Variants in SH3PXD2A observed in about 807,000 individuals in gnomAD.
The protein encoded by SH3PXD2A is SH3 and PX domains 2A.
A neutral mutation model predicts 115.2 loss-of-function variants in SH3PXD2A; 32 were observed. The ratio of observed to expected loss-of-function variants is 0.28; its 90% CI spans 0.21 to 0.37. The LOEUF (loss-of-function observed/expected upper bound fraction) is 0.37, where lower values mean the gene tolerates loss of function less well. SH3PXD2A is among the 10% of genes least tolerant of loss of function. The pLI is 1.00. For synonymous variants in SH3PXD2A, 610 were observed against 629.1 expected (o/e 0.97, Z 0.45); for missense variants, 1,328 against 1,498.7 (o/e 0.89, Z 1.88).
intron 1 of SH3PXD2A, among the ~76,000 whole-genome samples, chr10:103,826,949 GAGGGATAACTCGTAGAATGAGCA>G (rs2039435852): frequency 2.0e-5 from 3 of 152,196 alleles, no homozygotes; most frequent in Admixed American, 2.0e-4. Flanking sequence ...CCGGCTAATG[GAGGGATAACTCGTAGAATGAGCA>G]AGAGGTAGGG....
At chr10:103,765,921 G>A (rs1170071054) in intron 3 of SH3PXD2A, among the ~76,000 whole-genome samples, 1 of 152,160 alleles carries the variant, frequency 6.6e-6, no homozygotes, top group Non-Finnish European at 1.5e-5. Flanking sequence ...GGGGCCGAGA[G>A]TCCCTACACC....
At chr10:103,841,318 C>A (rs920567392) in intron 1 of SH3PXD2A, among the ~76,000 whole-genome samples, 3 of 152,180 alleles carry the variant, frequency 2.0e-5, no homozygotes, top group African/African-American at 7.2e-5. Flanking sequence ...AGCTGGAGCA[C>A]TGCTTTCAAC....
At chr10:103,782,851 A>G (rs2038944191) in intron 2 of SH3PXD2A, among the ~76,000 whole-genome samples, 1 of 146,898 alleles carries the variant, frequency 6.8e-6, no homozygotes, top group Admixed American at 6.8e-5. Flanking sequence ...AAAAAAAAAG[A>G]TAATAACAGG....
At chr10:103,778,925 C>T (rs559680245) in intron 2 of SH3PXD2A, among the ~76,000 whole-genome samples, 1 of 152,266 alleles carries the variant, frequency 6.6e-6, no homozygotes, top group East Asian at 1.9e-4. Context: ...AGCATGAGGC[C>T]AGGGCAGCAG....
chr10:103,602,882 C>A lies in SH3PXD2A; in HGVS notation c.2336G>T (p.Arg779Leu), dbSNP rs775652634. The change falls in exon 15 of 15, where the codon CGG (arginine) becomes CTG (leucine). Residue 779 changes from arginine (R) to leucine (L), a missense_variant. Coordinates refer to ENST00000369774, the MANE Select transcript of SH3PXD2A (RefSeq NM_001394015.1). ...CTGGCCTGTGGGTCTCAGCTGGCGC[C>A]GTAAAGTGCTGATGTCCATCTTCTC... is the stretch of plus-strand genomic sequence containing the variant. ...SQEKMDISTL[R>L]RQLRPTGQLR... The A allele has an allele frequency of 6.2e-7, 1 of 1,613,858 alleles. No individual in the cohort carries two copies. The highest frequency in any genetic ancestry group is 1.3e-5 in the African/African-American group (1 of 74,932).
rs1375558676 is a variant in SH3PXD2A, at chr10:103,603,003, C to T, written c.2215G>A (p.Asp739Asn). 5.0e-6 allele frequency: 8 copies of T among 1,614,196 alleles called. No homozygotes were observed. Among genetic ancestry groups the T allele is most frequent in the Non-Finnish European group, 5.1e-6 (6 of 1,180,050 alleles). The change falls in exon 15 of 15, where the codon GAT (aspartate) becomes AAT (asparagine). Residue 739 changes from aspartate (D) to asparagine (N), a missense_variant. Physicochemically the swap from Asp to Asn is conservative, Grantham distance 23. This residue lies in a region of SH3PXD2A where 574 missense variants were observed against 565.7 expected (regional missense o/e 1.01). Coordinates refer to ENST00000369774, the MANE Select transcript of SH3PXD2A (RefSeq NM_001394015.1). ...GTCAGCCCAGCGTTCGCATCAGCAT[C>T]CTTCTTTGCCCTGACCTTGGGAGTG... ...RGTPKVRAKK[D>N]ADANAGLTSC...
At chr10:103,685,415 G>A (rs1316335501) in intron 6 of SH3PXD2A, among the ~76,000 whole-genome samples, 3 of 151,202 alleles carry the variant, frequency 2.0e-5, no homozygotes, top group Non-Finnish European at 2.9e-5. Flanking sequence ...TCCCTTTCCT[G>A]GTCTATAAAA....
intron 1 of SH3PXD2A, among the ~76,000 whole-genome samples, chr10:103,847,159 G>A (rs1206584388): frequency 6.6e-6 from 1 of 152,146 alleles, no homozygotes; most frequent in Non-Finnish European, 1.5e-5. Context: ...TTACTTATTT[G>A]TTTTTAGAGA....
intron 8 of SH3PXD2A, among the ~76,000 whole-genome samples, chr10:103,642,411 G>T (rs2036969296): frequency 6.6e-6 from 1 of 152,188 alleles, no homozygotes; most frequent in Non-Finnish European, 1.5e-5. Context: ...GAAGAGAACT[G>T]CAATGAGACA....
At chr10:103,678,594 T>C (rs925423355) in intron 6 of SH3PXD2A, among the ~76,000 whole-genome samples, 7 of 152,358 alleles carry the variant, frequency 4.6e-5, no homozygotes, top group African/African-American at 1.7e-4. Flanking sequence ...GGGACACTTC[T>C]CTGGGCCTCA....
At chr10:103,705,726 A>T (rs572061545) in intron 5 of SH3PXD2A, among the ~76,000 whole-genome samples, 23 of 152,188 alleles carry the variant, frequency 1.5e-4, no homozygotes, top group Non-Finnish European at 2.8e-4. Context: ...CAGACAGAAA[A>T]GCTAAATGAG....
chr10:103,626,273 T>C (rs915873176), intron 9 of SH3PXD2A, among the ~76,000 whole-genome samples: 1 of 152,248 alleles, frequency 6.6e-6, no homozygotes, highest in African/African-American at 2.4e-5. Context: ...TACTTTGGCC[T>C]GGCAGCAGAA....
intron 4 of SH3PXD2A, among the ~76,000 whole-genome samples, chr10:103,730,046 C>T (rs1048934392): frequency 1.3e-5 from 2 of 152,196 alleles, no homozygotes; most frequent in African/African-American, 4.8e-5. Flanking sequence ...GAGGGGGCCC[C>T]GGCAGACTGT....
intron 3 of SH3PXD2A, among the ~76,000 whole-genome samples, chr10:103,741,264 C>A (rs2038441120): frequency 6.6e-6 from 1 of 152,334 alleles, no homozygotes. Context: ...AAGAGAGGAG[C>A]CTGCAGCCAC....
In SH3PXD2A at chr10:103,785,365, G is replaced by C. The variant is rs80322794; in HGVS notation, c.153+15917C>G. On this transcript the variant is annotated intron_variant, in intron 2 of 14. Transcript: ENST00000369774. ...GACCCGGGGACCCTCTGTCCAGTCA[G>C]ATAAGGGGAAGAGCTGGCCCAAGAC... 2.7e-4 allele frequency among the ~76,000 whole-genome samples: 41 copies of C among 152,294 alleles called. No individual in the cohort carries two copies. In the East Asian group the frequency reaches 7.0e-3, roughly 26 times the overall value.
At chr10:103,605,959 C>T in intron 13 of SH3PXD2A, 42 bp from the exon 14 acceptor site, 2 of 1,606,576 alleles carry the variant, frequency 1.2e-6, no homozygotes, top group Non-Finnish European at 1.7e-6. Flanking sequence ...CCGCCTAAAT[C>T]AGAAGAGTAA....
chr10:103,695,865 C>T (rs1446799109), intron 5 of SH3PXD2A, among the ~76,000 whole-genome samples: 3 of 152,224 alleles, frequency 2.0e-5, no homozygotes, highest in Non-Finnish European at 4.4e-5. Flanking sequence ...GAGTCCTCCC[C>T]ACCGAGGACT....
intron 3 of SH3PXD2A, among the ~76,000 whole-genome samples, chr10:103,747,468 C>T (rs1319718116): frequency 2.0e-5 from 3 of 152,148 alleles, no homozygotes; most frequent in Admixed American, 2.0e-4. Context: ...GACGGTGGGA[C>T]GCTGGGCAGA....
chr10:103,763,640 T>C (rs886577441), intron 3 of SH3PXD2A, among the ~76,000 whole-genome samples: 7 of 152,192 alleles, frequency 4.6e-5, no homozygotes, highest in African/African-American at 2.4e-5. Context: ...CTAGTGTGTA[T>C]AGCAGATGCT....
Sources: allele counts gnomAD v4.1 joint callset (sites outside exome capture counted in the v4.1 genomes callset), GRCh38; gene constraint gnomAD v4.1.1; regional missense constraint gnomAD v4.1.1; transcripts MANE v1.5; gene names NCBI Gene and HGNC (gene_info 2026-07-23, HGNC 2026-07-21).